The following DHX36 variants were observed in gnomAD, a reference collection of about 807,000 sequenced individuals.
The protein encoded by DHX36 is DEAH-box helicase 36.
In DHX36, 50 loss-of-function variants were observed where a neutral mutation model predicts 139.0. That is an observed-to-expected ratio of 0.36 (90% confidence interval 0.29 to 0.46). DHX36 has a LOEUF of 0.46. DHX36 is among the 20% of genes least tolerant of loss of function. The probability of loss-of-function intolerance (pLI) is 1.00; values close to 1 mark genes in which losing one functional copy is unlikely to be tolerated. For synonymous variants in DHX36, 425 were observed against 401.9 expected (o/e 1.06, Z -0.69); for missense variants, 1,024 against 1,211.3 (o/e 0.85, Z 2.29).
At chr3:154,321,121 G>A (rs1713170814) in intron 1 of DHX36, among the ~76,000 whole-genome samples, 1 of 152,152 alleles carries the variant, frequency 6.6e-6, no homozygotes, top group South Asian at 2.1e-4. Flanking sequence ...AAAGCAATGT[G>A]CAGATAATTA....
chr3:154,309,384 A>T (rs1712645460), intron 5 of DHX36, among the ~76,000 whole-genome samples: 1 of 152,180 alleles, frequency 6.6e-6, no homozygotes, highest in Admixed American at 6.5e-5. Context: ...TCAATTCTAT[A>T]AATATTTTAT....
intron 24 of DHX36, 89 bp from the exon 25 acceptor site, chr3:154,276,445 A>AGTTT: frequency 8.0e-7 from 1 of 1,242,976 alleles, no homozygotes; most frequent in Non-Finnish European, 1.1e-6. Flanking sequence ...TGATACAAGG[A>AGTTT]GTTTCACAAG....
rs771105074 is a variant in DHX36 at position 154,285,024 on chromosome 3, T to TA, written c.2032-38dup. 3 of 1,603,570 alleles carry TA rather than the reference T, an allele frequency of 1.9e-6. No homozygotes were observed. The African/African-American group carries it at 4.0e-5, about 22-fold the overall frequency. Reference sequence around the variant, plus strand: ...GAGTGTGTGTTTAAAATAGATCCTGTAAAGCATTACATTTAAAACGATTTT... The same window carrying TA: ...GAGTGTGTGTTTAAAATAGATCCTGTAAAAGCATTACATTTAAAACGATTTT... On this transcript the variant is annotated intron_variant, in intron 17 of 24. Coordinates refer to ENST00000496811, the MANE Select transcript of DHX36 (RefSeq NM_020865.3).
intron 17 of DHX36, among the ~76,000 whole-genome samples, chr3:154,286,268 A>AT (rs1246108462): frequency 6.6e-6 from 1 of 150,950 alleles, no homozygotes; most frequent in Admixed American, 6.6e-5. Context: ...AAGGCACACT[A>AT]TCATATCACT....
intron 17 of DHX36, among the ~76,000 whole-genome samples, chr3:154,286,147 A>T (rs1711541779): frequency 6.8e-6 from 1 of 146,140 alleles, no homozygotes; most frequent in African/African-American, 2.5e-5. Flanking sequence ...AACTTAACGT[A>T]ATAAGAGCTT....
At chr3:154,295,377 T>A (rs1711999346) in intron 12 of DHX36, 38 bp from the exon 13 acceptor site, 1 of 1,185,918 alleles carries the variant, frequency 8.4e-7, no homozygotes, top group Non-Finnish European at 1.2e-6. Context: ...AGATAAAGAG[T>A]TGCAGAAAAG....
At chr3:154,295,545 T>C (rs552420918) in intron 12 of DHX36, among the ~76,000 whole-genome samples, 11 of 152,356 alleles carry the variant, frequency 7.2e-5, no homozygotes, top group African/African-American at 2.6e-4. Flanking sequence ...TATTTTTATT[T>C]CTACATACAA....
intron 1 of DHX36, 132 bp from the exon 2 acceptor site, chr3:154,316,295 G>A (rs1219613292): frequency 8.5e-7 from 1 of 1,172,594 alleles, no homozygotes; most frequent in Admixed American, 2.5e-5. Context: ...TTATCCACAG[G>A]TGTCCTCTAG....
chr3:154,280,057 C>A (rs1180303727), intron 22 of DHX36: 1 of 152,242 alleles, frequency 6.6e-6, no homozygotes, highest in Non-Finnish European at 1.5e-5. Context: ...AACCACACTA[C>A]TGGCCATTTG....
At chr3:154,308,050 C>A (rs1712576305) in intron 5 of DHX36, among the ~76,000 whole-genome samples, 1 of 152,034 alleles carries the variant, frequency 6.6e-6, no homozygotes, top group Admixed American at 6.6e-5. Flanking sequence ...TGTGGAATGG[C>A]AAACGATGGA....
rs2048395 is a variant in DHX36, at chr3:154,306,290, C to T, written c.819G>A (p.Ala273=). The T allele has an allele frequency of 1.0e-3, 1,675 of 1,612,510 alleles. 18 individuals are homozygous for T. In the African/African-American group the frequency reaches 0.02, roughly 20 times the overall value. The change falls in exon 6 of 25, where the codon GCG becomes GCA. Residue 273 remains alanine, a synonymous_variant. Coordinates refer to ENST00000496811, the MANE Select transcript of DHX36 (RefSeq NM_020865.3). Reference sequence around the variant, plus strand: ...CTGCCCTTTCTGCAGCTACTCTTTCCGCAACCTTTAATTCAAATAAAACAT... The same window carrying T: ...CTGCCCTTTCTGCAGCTACTCTTTCTGCAACCTTTAATTCAAATAAAACAT... ...QPRRISAISV[A]ERVAAERAES...
Position 154,276,006 on chromosome 3 carries a change from A to C in DHX36, c.*165T>G. 2.0e-6 allele frequency: 1 copy of C among 493,300 alleles called. No individual in the cohort carries two copies. 30.6% of individuals were successfully genotyped at this position (493,300 alleles called of 1,614,324 possible). A position where few individuals can be genotyped will look rare whatever the true frequency, so the allele number is the denominator to read the frequency against. ...TATATATATATATATATATATCTCT[A>C]CATATAACATCAAGTCATGCACATT... On this transcript the variant is annotated 3_prime_UTR_variant, in exon 25 of 25. Transcript: ENST00000496811.
chr3:154,324,469 CG>C lies in DHX36; in HGVS notation c.-54del, dbSNP rs1300224000. On this transcript the variant is annotated 5_prime_UTR_variant, in exon 1 of 25. Coordinates refer to ENST00000496811, the MANE Select transcript of DHX36 (RefSeq NM_020865.3). ...ACCAGCAACCGCTGGAAATGGCGTC[CG>C]GGCCCGGAAGCCACTGTGCGCCCAC... 2 of 1,437,126 alleles carry C rather than the reference CG, an allele frequency of 1.4e-6. No individual in the cohort carries two copies. The highest frequency in any genetic ancestry group is 1.4e-5 in the African/African-American group (1 of 69,930). The allele number at this position is 1,437,126 out of a possible 1,614,324, so 89.0% of individuals were successfully genotyped here. A position where few individuals can be genotyped will look rare whatever the true frequency, so the allele number is the denominator to read the frequency against.
At chr3:154,280,476 T>A (rs2108332066) in intron 22 of DHX36, 103 bp downstream of exon 22, 1 of 818,950 alleles carries the variant, frequency 1.2e-6, no homozygotes, top group South Asian at 1.8e-5. Flanking sequence ...ATAACCCACA[T>A]ATGAATAAGA....
intron 9 of DHX36, among the ~76,000 whole-genome samples, chr3:154,301,827 G>A (rs1348440655): frequency 6.6e-6 from 1 of 151,960 alleles, no homozygotes; most frequent in East Asian, 1.9e-4. Flanking sequence ...CACGAGGTGG[G>A]AAAAGACAAA....
chr3:154,284,444 G>A (rs1405219109), intron 19 of DHX36, 139 bp downstream of exon 19: 1 of 673,030 alleles, frequency 1.5e-6, no homozygotes, highest in South Asian at 2.1e-5. Flanking sequence ...GCCTCCCAAA[G>A]TGCTATGATT....
chr3:154,319,729 C>T (rs1395240278), intron 1 of DHX36, among the ~76,000 whole-genome samples: 1 of 152,104 alleles, frequency 6.6e-6, no homozygotes, highest in Admixed American at 6.5e-5. Flanking sequence ...AGAATCAAAC[C>T]TTGCTTGTTA....
At chr3:154,283,416 A>C (rs1719392645) in intron 19 of DHX36, 145 bp from the exon 20 acceptor site, 1 of 608,222 alleles carries the variant, frequency 1.6e-6, no homozygotes, top group Admixed American at 3.0e-5. Flanking sequence ...TATAACTGAT[A>C]AAACTAAAAA....
intron 14 of DHX36, 32 bp from the exon 15 acceptor site, chr3:154,292,726 AACACACACACACACACAC>A (rs58416816): frequency 1.4e-5 from 21 of 1,517,166 alleles, no homozygotes; most frequent in Middle Eastern, 3.5e-4. Flanking sequence ...AAAATGTTAA[AACACACACACACACACAC>A]ACACACACAC....
Sources: allele counts gnomAD v4.1 joint callset (sites outside exome capture counted in the v4.1 genomes callset), GRCh38; gene constraint gnomAD v4.1.1; transcripts MANE v1.5; gene names NCBI Gene and HGNC (gene_info 2026-07-23, HGNC 2026-07-21).